The following ETFDH variants were observed in gnomAD, a reference collection of about 807,000 sequenced individuals.
The protein encoded by ETFDH is electron transfer flavoprotein dehydrogenase.
Under a neutral mutation model 73.2 loss-of-function variants are expected in ETFDH, and 61 were observed. The observed-to-expected ratio is 0.83, with a 90% CI of 0.68 to 1.03. ETFDH has a LOEUF of 1.03. Ranked by LOEUF, ETFDH falls within the 50% of genes least tolerant of loss-of-function variation. The pLI, the probability that ETFDH is intolerant of heterozygous loss-of-function variation, is 0.00. For synonymous variants in ETFDH, 243 were observed against 253.3 expected (o/e 0.96, Z 0.39); for missense variants, 685 against 745.0 (o/e 0.92, Z 0.94).
At position 158,706,615 on chromosome 4, in the gene ETFDH, C is replaced by A. The variant is rs769335503; in HGVS notation, c.1469-14C>A. The A allele has an allele frequency of 6.2e-7, 1 of 1,603,876 alleles. No individual in the cohort carries two copies. Among genetic ancestry groups the A allele is most frequent in the South Asian group, 1.1e-5 (1 of 90,838 alleles). ...ATCATATTTTGTTAAGCATTTCCCT[C>A]AAAATTGTTGAAGGTTCTGACTTTG... On this transcript the variant is annotated splice_polypyrimidine_tract_variant and intron_variant, in intron 11 of 12. Coordinates refer to ENST00000511912, the MANE Select transcript of ETFDH (RefSeq NM_004453.4).
At position 158,680,623 on chromosome 4, in the gene ETFDH, T is replaced by C. The variant is rs1263198178; in HGVS notation, c.175+16T>C. 6.2e-7 allele frequency: 1 copy of C among 1,601,926 alleles called. No individual in the cohort carries two copies. Among genetic ancestry groups the C allele is most frequent in the East Asian group, 2.2e-5 (1 of 44,698 alleles). On this transcript the variant is annotated intron_variant, in intron 2 of 12. Coordinates refer to ENST00000511912, the MANE Select transcript of ETFDH (RefSeq NM_004453.4). ...AGATGGGAAGGTAAGTAATAATTTG[T>C]GTACAATTCCTGAGACTTTTCTGGA... is the stretch of plus-strand genomic sequence containing the variant.
chr4:158,693,824 T>G (rs1774241215), intron 6 of ETFDH, among the ~76,000 whole-genome samples: 1 of 152,230 alleles, frequency 6.6e-6, no homozygotes, highest in Non-Finnish European at 1.5e-5. Flanking sequence ...AATGTTTGAC[T>G]GTCTGTAATA....
At chr4:158,681,655 T>C in intron 2 of ETFDH, 1 of 157,896 alleles carries the variant, frequency 6.3e-6, no homozygotes, top group East Asian at 1.8e-4. Context: ...AAATATTTTA[T>C]ACTGTATTTT....
At chr4:158,673,334 G>T (rs1229827556) in intron 1 of ETFDH, among the ~76,000 whole-genome samples, 1 of 152,080 alleles carries the variant, frequency 6.6e-6, no homozygotes, top group African/African-American at 2.4e-5. Flanking sequence ...AACTCTAAGG[G>T]CTTTATCGTG....
intron 9 of ETFDH, 134 bp from the exon 10 acceptor site, chr4:158,703,289 C>T: frequency 1.4e-6 from 1 of 694,354 alleles, no homozygotes; most frequent in South Asian, 1.7e-5. Context: ...TATTCCTTTG[C>T]TCAATTCATT....
intron 6 of ETFDH, 144 bp downstream of exon 6, chr4:158,690,569 C>T: frequency 1.5e-6 from 1 of 684,112 alleles, no homozygotes; most frequent in Non-Finnish European, 2.7e-6. Context: ...GTCCTAGCTA[C>T]TTTGGAGGCT....
At chr4:158,689,609 TATATATATATATATATATATATATATA>T (rs1774103846) in intron 5 of ETFDH, among the ~76,000 whole-genome samples, 3 of 92,436 alleles carry the variant, frequency 3.2e-5, no homozygotes, top group East Asian at 3.0e-4. Flanking sequence ...TATATATATA[TATATATATATATATATATATATATATA>T]TTGTGGGGGG....
At chr4:158,695,039 C>T (rs1178907253) in intron 6 of ETFDH, among the ~76,000 whole-genome samples, 2 of 152,184 alleles carry the variant, frequency 1.3e-5, no homozygotes, top group African/African-American at 2.4e-5. Flanking sequence ...TTTCAATCCT[C>T]ATTTGGTTAA....
rs796051964 is a variant in ETFDH at position 158,680,482 on chromosome 4, A to AT, written c.51dup (p.Ala18CysfsTer5). ...TTTTGTGCAGCATATCAGTGCTTTC[A>AT]TGCCTTAAAAATTAAGAAAAATTAT... On this transcript the variant is annotated frameshift_variant, in exon 2 of 13. Transcript: ENST00000511912. LOFTEE classifies it high-confidence loss of function. 2.0e-4 allele frequency: 326 copies of AT among 1,605,878 alleles called. No homozygotes were observed. Among genetic ancestry groups the AT allele is most frequent in the Non-Finnish European group, 2.6e-4 (310 of 1,172,716 alleles).
intron 2 of ETFDH, among the ~76,000 whole-genome samples, chr4:158,681,183 G>C (rs966821256): frequency 6.6e-6 from 1 of 152,178 alleles, no homozygotes; most frequent in Non-Finnish European, 1.5e-5. Context: ...TCCAGTGGGA[G>C]AAAATGTGGA....
At chr4:158,673,679 A>C (rs1773640702) in intron 1 of ETFDH, among the ~76,000 whole-genome samples, 1 of 152,380 alleles carries the variant, frequency 6.6e-6, no homozygotes, top group Admixed American at 6.5e-5. Context: ...TGTATGGATA[A>C]GATGGTGTTT....
intron 2 of ETFDH, 85 bp downstream of exon 2, chr4:158,680,692 T>TA (rs1400963475): frequency 8.3e-7 from 1 of 1,205,178 alleles, no homozygotes; most frequent in African/African-American, 1.5e-5. Flanking sequence ...ATATTTTTCA[T>TA]AATTTAAAAA....
chr4:158,682,466 A>G, intron 3 of ETFDH, 42 bp downstream of exon 3: 2 of 1,447,352 alleles, frequency 1.4e-6, no homozygotes, highest in Non-Finnish European at 1.9e-6. Flanking sequence ...ATCTTTTGTA[A>G]TTGTATTTCA....
chr4:158,678,656 T>TG (rs1449330138), intron 1 of ETFDH, among the ~76,000 whole-genome samples: 1 of 149,886 alleles, frequency 6.7e-6, no homozygotes, highest in East Asian at 1.9e-4. Context: ...TCACCATCTT[T>TG]TTTTTTTTTT....
intron 10 of ETFDH, among the ~76,000 whole-genome samples, chr4:158,704,661 C>CT (rs1392561995): frequency 3.3e-5 from 5 of 152,140 alleles, no homozygotes; most frequent in Admixed American, 3.3e-4. Flanking sequence ...AACTCCGAGA[C>CT]TAGAGGTATT....
At position 158,689,016 on chromosome 4, in the gene ETFDH, A is replaced by C. The variant is rs574903292; in HGVS notation, c.607-1332A>C. On this transcript the variant is annotated intron_variant, in intron 5 of 12. Coordinates refer to ENST00000511912, the MANE Select transcript of ETFDH (RefSeq NM_004453.4). ...CAGGAGGCATCCTTCTTGGTGTTCCATTTCAAAGCAATGGCTCCAAAGCCC... is the reference window on the plus strand; with the variant it reads ...CAGGAGGCATCCTTCTTGGTGTTCCCTTTCAAAGCAATGGCTCCAAAGCCC... 1.1e-4 allele frequency among the ~76,000 whole-genome samples: 17 copies of C among 152,296 alleles called. No individual in the cohort carries two copies. The South Asian group carries it at 3.5e-3, about 32-fold the overall frequency.
chr4:158,682,488 C>G (rs916158747), intron 3 of ETFDH, 64 bp downstream of exon 3: 2 of 1,253,564 alleles, frequency 1.6e-6, no homozygotes, highest in Non-Finnish European at 2.3e-6. Context: ...TAATTGTTCC[C>G]AAATTACTGG....
At chr4:158,685,307 AT>A (rs1286140792) in intron 5 of ETFDH, 88 bp downstream of exon 5, 16 of 776,136 alleles carry the variant, frequency 2.1e-5, no homozygotes, top group South Asian at 3.0e-5. Context: ...AGAAATAAAT[AT>A]TTTTTAAAAG....
Position 158,703,440 on chromosome 4 carries a change from C to G in ETFDH, c.1134C>G (p.Thr378=). ...TTCCTCAGTCTATACCAAAACTCAC[C>G]TTTCCTGGTGGTTTACTAATTGGTT... ...EGGFQSIPKL[T]FPGGLLIGCS... Residue 378 remains threonine, a synonymous_variant, in exon 10 of 13, where the codon ACC becomes ACG. Transcript: ENST00000511912. 6.2e-7 allele frequency: 1 copy of G among 1,611,742 alleles called. No individual in the cohort carries two copies. Among genetic ancestry groups the G allele is most frequent in the South Asian group, 1.1e-5 (1 of 91,006 alleles).
Sources: allele counts gnomAD v4.1 joint callset (sites outside exome capture counted in the v4.1 genomes callset), GRCh38; gene constraint gnomAD v4.1.1; transcripts MANE v1.5; gene names NCBI Gene and HGNC (gene_info 2026-07-23, HGNC 2026-07-21).